The following MCUB variants were observed in gnomAD, a reference collection of about 807,000 sequenced individuals.
The protein encoded by MCUB is calcium uniporter regulatory subunit MCUb, mitochondrial.
A neutral mutation model predicts 41.4 loss-of-function variants in MCUB; 46 were observed. That is an observed-to-expected ratio of 1.11 (90% confidence interval 0.88 to 1.42). MCUB has a LOEUF of 1.42. Among genes scored for constraint, MCUB ranks in the 40% most tolerant of loss-of-function variants. The pLI is 0.00. For synonymous variants in MCUB, 148 were observed against 148.2 expected, an observed-to-expected ratio of 1.00 and a Z score of 0.01; for missense variants, 403 against 404.9, an observed-to-expected ratio of 1.00 and a Z score of 0.04.
intron 1 of MCUB, among the ~76,000 whole-genome samples, chr4:109,581,086 A>T (rs1373687143): frequency 6.6e-6 from 1 of 152,236 alleles, no homozygotes; most frequent in Non-Finnish European, 1.5e-5. Flanking sequence ...ATCCTAAGCG[A>T]AAAGAACAAA....
chr4:109,654,606 G>A (rs371588163), intron 1 of MCUB, among the ~76,000 whole-genome samples: 69 of 151,934 alleles, frequency 4.5e-4, no homozygotes, highest in African/African-American at 1.4e-3. Context: ...GCAAGACTCC[G>A]TCTCAGGAGA....
chr4:109,627,299 T>A (rs923226077), intron 1 of MCUB, among the ~76,000 whole-genome samples: 1 of 152,128 alleles, frequency 6.6e-6, no homozygotes, highest in Non-Finnish European at 1.5e-5. Flanking sequence ...AAGGAGTAGT[T>A]TAGTTTTTTG....
intron 1 of MCUB, among the ~76,000 whole-genome samples, chr4:109,644,330 C>T (rs1728784987): frequency 6.6e-6 from 1 of 152,104 alleles, no homozygotes; most frequent in South Asian, 2.1e-4. Flanking sequence ...AAAAAACAAG[C>T]AGCCACAATC....
intron 1 of MCUB, among the ~76,000 whole-genome samples, chr4:109,598,557 C>A (rs527477470): frequency 1.6e-3 from 242 of 152,216 alleles, no homozygotes; most frequent in African/African-American, 5.2e-3. Context: ...TACAGTCCAG[C>A]TTCGGCTGGG....
chr4:109,612,571 C>T (rs916765010), intron 1 of MCUB, among the ~76,000 whole-genome samples: 2 of 152,074 alleles, frequency 1.3e-5, no homozygotes, highest in African/African-American at 4.8e-5. Flanking sequence ...CAGCCTCCTC[C>T]TCTTAAGGGC....
chr4:109,670,169 A>G (rs1217352328), intron 4 of MCUB, among the ~76,000 whole-genome samples: 1 of 152,178 alleles, frequency 6.6e-6, no homozygotes. Context: ...TAAGGTATGG[A>G]GGGGAAGTGT....
chr4:109,684,054 G>C (rs1380353011), intron 5 of MCUB, among the ~76,000 whole-genome samples: 2 of 149,300 alleles, frequency 1.3e-5, no homozygotes, highest in Non-Finnish European at 3.0e-5. Flanking sequence ...TTGTTCAAGA[G>C]TTCCTCTTTT....
intron 1 of MCUB, among the ~76,000 whole-genome samples, chr4:109,653,298 G>A (rs1400978474): frequency 6.6e-6 from 1 of 151,702 alleles, no homozygotes; most frequent in Non-Finnish European, 1.5e-5. Flanking sequence ...AGAATCACTT[G>A]AACCTGGGAA....
Position 109,560,319 on chromosome 4 carries a change from G to T in MCUB, c.-19G>T, listed in dbSNP as rs1226459245. 6 of 1,219,758 alleles carry T rather than the reference G, an allele frequency of 4.9e-6. No homozygotes were observed. In the South Asian group the frequency reaches 2.0e-4, roughly 41 times the overall value. 75.6% of individuals were successfully genotyped at this position (1,219,758 alleles called of 1,614,324 possible). ...TGCGCCGCTGACGCCTGCGGGAGCC[G>T]CGCGCCTGGGGCGGGAGGATGCTCC... is the stretch of plus-strand genomic sequence containing the variant. On this transcript the variant is annotated 5_prime_UTR_variant, in exon 1 of 8. Coordinates refer to ENST00000394650, the MANE Select transcript of MCUB (RefSeq NM_017918.5).
chr4:109,588,630 T>C (rs1475973676), intron 1 of MCUB, among the ~76,000 whole-genome samples: 2 of 152,224 alleles, frequency 1.3e-5, no homozygotes, highest in Non-Finnish European at 2.9e-5. Context: ...CTATTTTATC[T>C]CTTATGAAGG....
intron 1 of MCUB, among the ~76,000 whole-genome samples, chr4:109,621,670 C>T (rs1452456814): frequency 6.6e-6 from 1 of 152,162 alleles, no homozygotes; most frequent in Non-Finnish European, 1.5e-5. Context: ...TAAGCTTCTA[C>T]ACTGTAATAA....
rs200545502 is a variant in MCUB at position 109,685,235 on chromosome 4, TCTC to T, written c.817-15_817-13del. 12,213 of 954,614 alleles carry T rather than the reference TCTC, an allele frequency of 0.013. 678 individuals are homozygous for T. The African/African-American group carries it at 0.25, about 19-fold the overall frequency. The allele number at this position is 954,614 out of a possible 1,614,324, so 59.1% of individuals were successfully genotyped here. ...TCAAAACATGTTGTTTTCTTCTCTC[TCTC>T]TTTTTTTTTAAGGATTATACTTACT... On this transcript the variant is annotated splice_polypyrimidine_tract_variant and intron_variant, in intron 6 of 7. Transcript: ENST00000394650.
chr4:109,650,250 A>C (rs1160548025), intron 1 of MCUB, among the ~76,000 whole-genome samples: 1 of 152,148 alleles, frequency 6.6e-6, no homozygotes, highest in Non-Finnish European at 1.5e-5. Flanking sequence ...TTTCTCTTTT[A>C]AGCTTTACTA....
At chr4:109,619,018 A>G (rs1410151111) in intron 1 of MCUB, among the ~76,000 whole-genome samples, 5 of 93,140 alleles carry the variant, frequency 5.4e-5, no homozygotes, top group South Asian at 8.8e-4. Context: ...CTACCTACCT[A>G]TCTACCTGCC....
intron 1 of MCUB, among the ~76,000 whole-genome samples, chr4:109,581,469 T>C (rs1317838167): frequency 6.6e-6 from 1 of 152,164 alleles, no homozygotes. Flanking sequence ...AACATAGGCA[T>C]GGGCAAGGAC....
rs183074359 is a variant in MCUB, at chr4:109,578,758, G to A, written c.99+18322G>A. The stretch of plus-strand genomic sequence containing the variant: ...CTGGCGCAAGTGCTTCTCCTGCCTC[G>A]GCCTCCCAAAGAATCTCATGCTTTC... On this transcript the variant is annotated intron_variant, in intron 1 of 7. Transcript: ENST00000394650. 6.1e-4 allele frequency among the ~76,000 whole-genome samples: 92 copies of A among 151,908 alleles called. No homozygotes were observed. In the Middle Eastern group the frequency reaches 0.014, roughly 22 times the overall value.
At chr4:109,618,426 T>G (rs1728176082) in intron 1 of MCUB, among the ~76,000 whole-genome samples, 2 of 152,234 alleles carry the variant, frequency 1.3e-5, no homozygotes, top group South Asian at 4.1e-4. Context: ...TTTTCCTTCC[T>G]GTATCATGCC....
At chr4:109,639,064 C>T (rs980733803) in intron 1 of MCUB, among the ~76,000 whole-genome samples, 3 of 152,264 alleles carry the variant, frequency 2.0e-5, no homozygotes, top group Non-Finnish European at 2.9e-5. Flanking sequence ...TTGAGCTCCT[C>T]CCATGAATCA....
At chr4:109,662,225 G>A (rs1729246221) in intron 3 of MCUB, among the ~76,000 whole-genome samples, 1 of 152,228 alleles carries the variant, frequency 6.6e-6, no homozygotes, top group Non-Finnish European at 1.5e-5. Context: ...TGGCACAATG[G>A]GCTTCCTAAT....
Sources: allele counts gnomAD v4.1 joint callset (sites outside exome capture counted in the v4.1 genomes callset), GRCh38; gene constraint gnomAD v4.1.1; transcripts MANE v1.5; gene names NCBI Gene and HGNC (gene_info 2026-07-23, HGNC 2026-07-21).